Variants in SLC7A9 observed in about 807,000 individuals in gnomAD.
SLC7A9 encodes solute carrier family 7 member 9, also known as B(0,+)-type amino acid transporter 1.
SLC7A9 carries 38 observed loss-of-function variants against 54.1 expected under a neutral mutation model. The ratio of observed to expected loss-of-function variants is 0.70; its 90% CI spans 0.54 to 0.92. SLC7A9 has a LOEUF of 0.92. Among genes scored for constraint, SLC7A9 ranks in the 40% least tolerant of loss-of-function variants. The probability of loss-of-function intolerance (pLI) is 0.00; values close to 1 mark genes in which losing one functional copy is unlikely to be tolerated. For synonymous variants in SLC7A9, 264 were observed against 258.9 expected (o/e 1.02, Z -0.19); for missense variants, 537 against 636.1 (o/e 0.84, Z 1.68).
At chr19:32,868,305 C>G (rs1969038722) in intron 2 of SLC7A9, 143 bp downstream of exon 2, 1 of 690,462 alleles carries the variant, frequency 1.4e-6, no homozygotes, top group African/African-American at 1.8e-5. Context: ...AGAGATTATC[C>G]CTTTAAAGAT....
intron 9 of SLC7A9, among the ~76,000 whole-genome samples, chr19:32,851,766 C>T: frequency 6.6e-6 from 1 of 152,124 alleles, no homozygotes; most frequent in East Asian, 1.9e-4. Context: ...GACTTGGAAC[C>T]AACCCAAATG....
rs549160267 is a variant in SLC7A9, at chr19:32,864,716, C to G, written c.148G>C (p.Val50Leu). Residue 50 changes from valine (V) to leucine (L), a missense_variant, in exon 3 of 13, where the codon GTT (valine) becomes CTT (leucine). Transcript: ENST00000023064. ...TTGCTGAGCACAGACTTGGGGGAAA[C>G]GAAGATCCCAGAGCCAATGATGGTG... ...VGTIIGSGIF[V>L]SPKSVLSNTE... 1.2e-6 allele frequency: 2 copies of G among 1,614,052 alleles called. No individual in the cohort carries two copies. Among genetic ancestry groups the G allele is most frequent in the Non-Finnish European group, 1.7e-6 (2 of 1,180,044 alleles).
chr19:32,855,118 A>G (rs1229721523), intron 9 of SLC7A9, among the ~76,000 whole-genome samples: 3 of 152,224 alleles, frequency 2.0e-5, no homozygotes, highest in Non-Finnish European at 4.4e-5. Flanking sequence ...TTCCGACTCT[A>G]AAGAGAATGG....
chr19:32,860,526 G>T (rs1361520542), intron 7 of SLC7A9, 80 bp downstream of exon 7: 4 of 1,611,032 alleles, frequency 2.5e-6, no homozygotes, highest in Non-Finnish European at 3.4e-6. Flanking sequence ...GGAATACCCA[G>T]GGAAATAGCT....
intron 9 of SLC7A9, among the ~76,000 whole-genome samples, chr19:32,854,645 C>G (rs1157856010): frequency 6.6e-6 from 1 of 152,040 alleles, no homozygotes; most frequent in East Asian, 1.9e-4. Context: ...CTGGAGTGCA[C>G]TGGTGCGATC....
intron 11 of SLC7A9, 24 bp from the exon 12 acceptor site, chr19:32,833,347 G>T: frequency 6.2e-7 from 1 of 1,612,984 alleles, no homozygotes; most frequent in African/African-American, 1.3e-5. Flanking sequence ...ACAGGTCATG[G>T]GTACCCATTT....
intron 1 of SLC7A9, among the ~76,000 whole-genome samples, chr19:32,869,452 T>C (rs1448934151): frequency 6.6e-6 from 1 of 152,118 alleles, no homozygotes. Context: ...CCTCAAGCAG[T>C]CCTTCCACCT....
chr19:32,832,866 G>GCC (rs1967845785), intron 12 of SLC7A9: 1 of 403,054 alleles, frequency 2.5e-6, no homozygotes, highest in African/African-American at 2.1e-5. Flanking sequence ...CTATGACCAT[G>GCC]CCACTGCACT....
At position 32,842,271 on chromosome 19, in the gene SLC7A9, A is replaced by G; in HGVS notation, c.1121T>C (p.Leu374Ser). The G allele has an allele frequency of 1.2e-6, 2 of 1,613,992 alleles. No individual in the cohort carries two copies. Among genetic ancestry groups the G allele is most frequent in the Non-Finnish European group, 1.7e-6 (2 of 1,179,842 alleles). Residue 374 changes from leucine to serine, a missense_variant, in exon 11 of 13, where the codon TTA (leucine) becomes TCA (serine). Transcript: ENST00000023064. ...IYIIPGDINS[L>S]VNYFSFAAWL... ...TGCGGCAAAGCTGAAATAATTGACT[A>G]ACGAGTTTATGTCACCAGGGATGAT...
chr19:32,860,392 A>C (rs1968763353), intron 7 of SLC7A9: 1 of 1,352,464 alleles, frequency 7.4e-7, no homozygotes, highest in Non-Finnish European at 9.7e-7. Flanking sequence ...TCTCATCTCT[A>C]CTAAAAAAAT....
chr19:32,868,631 G>T lies in SLC7A9; in HGVS notation c.-97C>A. The T allele has an allele frequency of 1.0e-6, 1 of 996,390 alleles. No homozygotes were observed. The highest frequency in any genetic ancestry group is 1.6e-6 in the Non-Finnish European group (1 of 622,746). The allele number at this position is 996,390 out of a possible 1,614,324, so 61.7% of individuals were successfully genotyped here. A position where few individuals can be genotyped will look rare whatever the true frequency, so the allele number is the denominator to read the frequency against. ...AAGACGCAAGTGCAAGCTCGGCCTG[G>T]ACTAGGGGAGCTGGCTGCAAAAGCA... On this transcript the variant is annotated 5_prime_UTR_variant, in exon 2 of 13. Transcript: ENST00000023064.
At chr19:32,853,659 G>C (rs1968532209) in intron 9 of SLC7A9, among the ~76,000 whole-genome samples, 1 of 152,076 alleles carries the variant, frequency 6.6e-6, no homozygotes, top group Non-Finnish European at 1.5e-5. Context: ...GCTCACGCCT[G>C]TAATCCCAAC....
rs376437687 is a variant in SLC7A9 at position 32,864,580 on chromosome 19, G to A, written c.235+49C>T. The A allele has an allele frequency of 1.9e-4, 305 of 1,605,416 alleles. 1 individual carries two copies. The highest frequency in any genetic ancestry group is 5.2e-4 in the African/African-American group (39 of 74,870). Reference sequence around the variant, plus strand: ...CTGGCACAGGTAGCAGCTGCCTGGCGTGCCCCTGCATGCTTCCGGGGCTGC... The same window carrying A: ...CTGGCACAGGTAGCAGCTGCCTGGCATGCCCCTGCATGCTTCCGGGGCTGC... On this transcript the variant is annotated intron_variant, in intron 3 of 12. Transcript: ENST00000023064.
chr19:32,857,674 G>A lies in SLC7A9; in HGVS notation c.977+766C>T, dbSNP rs531293163. ...ACACTGGACAACTAAGCCAAGACACGTGTTCGAGGATGTTCACTGCGGCAA... is the reference window on the plus strand; with the variant it reads ...ACACTGGACAACTAAGCCAAGACACATGTTCGAGGATGTTCACTGCGGCAA... On this transcript the variant is annotated intron_variant, in intron 9 of 12. Coordinates refer to ENST00000023064, the MANE Select transcript of SLC7A9 (RefSeq NM_014270.5). 3.9e-5 allele frequency among the ~76,000 whole-genome samples: 6 copies of A among 152,206 alleles called. No individual in the cohort carries two copies. The South Asian group carries it at 1.0e-3, about 26-fold the overall frequency.
rs1168268083 is a variant in SLC7A9 at position 32,853,018 on chromosome 19, A to G, written c.977+5422T>C. Among the ~76,000 whole-genome samples, 3 of 146,252 alleles carry G rather than the reference A, an allele frequency of 2.1e-5. No individual in the cohort carries two copies. In the East Asian group the frequency reaches 6.1e-4, roughly 30 times the overall value. Reference sequence around the variant, plus strand: ...AACCTCCGTCCCCCAGGTTCAAGCCATTCTCCTGCCTCAGCCTCCTGAGTA... The same window carrying G: ...AACCTCCGTCCCCCAGGTTCAAGCCGTTCTCCTGCCTCAGCCTCCTGAGTA... On this transcript the variant is annotated intron_variant, in intron 9 of 12. Transcript: ENST00000023064.
intron 8 of SLC7A9, 57 bp from the exon 9 acceptor site, chr19:32,858,600 G>T: frequency 7.0e-7 from 1 of 1,426,510 alleles, no homozygotes; most frequent in African/African-American, 1.4e-5. Context: ...AAGAGCGGCC[G>T]GCCCCCAAAA....
chr19:32,862,141 A>G lies in SLC7A9; in HGVS notation c.681T>C (p.Asn227=), dbSNP rs748972006. 8.7e-6 allele frequency: 14 copies of G among 1,613,102 alleles called. No homozygotes were observed. The highest frequency in any genetic ancestry group is 1.7e-5 in the Admixed American group (1 of 59,982). ...ACCATCCATCATAGGCCCAGAGTCC[A>G]TTGTAAAACGCCAGGCTGATGGCTC... is the stretch of plus-strand genomic sequence containing the variant. ...SVGAISLAFY[N]GLWAYDGWNQ... is the part of the protein sequence containing the mutation. The change falls in exon 6 of 13, where the codon AAT becomes AAC. Residue 227 remains asparagine, a synonymous_variant. Coordinates refer to ENST00000023064, the MANE Select transcript of SLC7A9 (RefSeq NM_014270.5).
chr19:32,865,448 C>T (rs866537294), intron 2 of SLC7A9, among the ~76,000 whole-genome samples: 2 of 152,216 alleles, frequency 1.3e-5, no homozygotes, highest in African/African-American at 2.4e-5. Flanking sequence ...GGATTGCAGG[C>T]GTAAGCCGCC....
chr19:32,860,381 A>T (rs1248405685), intron 7 of SLC7A9: 6 of 1,351,554 alleles, frequency 4.4e-6, no homozygotes, highest in Non-Finnish European at 5.8e-6. Context: ...ACATGGCAAA[A>T]TCTCATCTCT....
Sources: allele counts gnomAD v4.1 joint callset (sites outside exome capture counted in the v4.1 genomes callset), GRCh38; gene constraint gnomAD v4.1.1; transcripts MANE v1.5; gene names NCBI Gene and HGNC (gene_info 2026-07-23, HGNC 2026-07-21).